Variants in TBCD observed in about 807,000 individuals in gnomAD.
TBCD encodes the protein tubulin folding cofactor D, also known as tubulin-specific chaperone D.
A neutral mutation model predicts 169.3 loss-of-function variants in TBCD; 105 were observed. The ratio of observed to expected loss-of-function variants is 0.62; its 90% CI spans 0.53 to 0.73. The LOEUF is 0.73. Ranked by LOEUF, TBCD falls within the 30% of genes least tolerant of loss-of-function variation. TBCD has a pLI of 0.00. For synonymous variants in TBCD, 700 were observed against 643.9 expected, an observed-to-expected ratio of 1.09 and a Z score of -1.32; for missense variants, 1,444 against 1,600.1, an observed-to-expected ratio of 0.90 and a Z score of 1.66.
chr17:82,936,076 G>A (rs913607914), intron 34 of TBCD, among the ~76,000 whole-genome samples: 3 of 152,164 alleles, frequency 2.0e-5, no homozygotes, highest in Non-Finnish European at 2.9e-5. Context: ...CCCTGGAAAC[G>A]GCCCGGGTTT....
chr17:82,857,554 C>A (rs1439074047), intron 13 of TBCD, among the ~76,000 whole-genome samples: 1 of 152,086 alleles, frequency 6.6e-6, no homozygotes, highest in Admixed American at 6.5e-5. Flanking sequence ...CACACATGCA[C>A]ATATACAGGT....
At position 82,898,096 on chromosome 17, in the gene TBCD, C is replaced by T. The variant is rs146948282; in HGVS notation, c.1650-2555C>T. 4.1e-3 allele frequency among the ~76,000 whole-genome samples: 607 copies of T among 146,332 alleles called. 5 individuals carry two copies. Among genetic ancestry groups the T allele is most frequent in the Non-Finnish European group, 5.9e-3 (397 of 67,334 alleles). Reference sequence around the variant, plus strand: ...ATGGCTCTGGGTTTTGGTGTGAGCACACGGCATGGCTCTGTTCTCCCCGGC... The same window carrying T: ...ATGGCTCTGGGTTTTGGTGTGAGCATACGGCATGGCTCTGTTCTCCCCGGC... On this transcript the variant is annotated intron_variant, in intron 17 of 38. Transcript: ENST00000355528.
At position 82,806,782 on chromosome 17, in the gene TBCD, G is replaced by A. The variant is rs565842135; in HGVS notation, c.1087+771G>A. ...TGACCATCAGGGCGCCTGTGGCACC[G>A]TTGCCAGCCCCGAGCCAGCATCCAC... On this transcript the variant is annotated intron_variant, in intron 10 of 38. Transcript: ENST00000355528. This position sits in a 1 kb window ranked among gnomAD's most constrained non-coding sequence, Gnocchi z 5.1. Among the ~76,000 whole-genome samples, 4 of 152,262 alleles carry A rather than the reference G, an allele frequency of 2.6e-5. No individual in the cohort carries two copies. The highest frequency in any genetic ancestry group is 1.9e-4 in the East Asian group (1 of 5,166).
At chr17:82,940,217 GCGCGCACACACA>G (rs1387917115) in intron 37 of TBCD, among the ~76,000 whole-genome samples, 1 of 101,382 alleles carries the variant, frequency 9.9e-6, no homozygotes, top group African/African-American at 3.4e-5. Flanking sequence ...TCACTTGCAC[GCGCGCACACACA>G]CACACACACA....
intron 7 of TBCD, among the ~76,000 whole-genome samples, chr17:82,793,698 G>T (rs970117472): frequency 1.3e-5 from 2 of 152,204 alleles, no homozygotes; most frequent in Admixed American, 6.5e-5. Flanking sequence ...GCCTGGAAAG[G>T]GTTGTTTTGG....
Position 82,884,530 on chromosome 17 carries a change from G to A in TBCD, c.1533+328G>A, listed in dbSNP as rs1250450667. Among the ~76,000 whole-genome samples the A allele has an allele frequency of 1.3e-5, 2 of 152,226 alleles. No individual in the cohort carries two copies. Among genetic ancestry groups the A allele is most frequent in the Non-Finnish European group, 2.9e-5 (2 of 68,046 alleles). On this transcript the variant is annotated intron_variant, in intron 15 of 38. Coordinates refer to ENST00000355528, the MANE Select transcript of TBCD (RefSeq NM_005993.5). This position sits in a 1 kb window ranked among gnomAD's most constrained non-coding sequence, Gnocchi z 4.2. ...ACGCTGAAGACGCAGAAGAGAGTGGGTTCTGCGAGGGTGGCCAGAATGTGG... is the reference window on the plus strand; with the variant it reads ...ACGCTGAAGACGCAGAAGAGAGTGGATTCTGCGAGGGTGGCCAGAATGTGG...
intron 8 of TBCD, among the ~76,000 whole-genome samples, chr17:82,799,024 C>CA: frequency 6.6e-6 from 1 of 152,342 alleles, no homozygotes; most frequent in South Asian, 2.1e-4. Context: ...TATGAGCCAC[C>CA]ACGCCTGGCT....
At chr17:82,813,297 C>G (rs917901708) in intron 12 of TBCD, among the ~76,000 whole-genome samples, 1 of 152,174 alleles carries the variant, frequency 6.6e-6, no homozygotes, top group Non-Finnish European at 1.5e-5. Flanking sequence ...CTTCCTCTCC[C>G]GCTCATCCGC....
chr17:82,928,535 T>C (rs1389009302), intron 30 of TBCD, among the ~76,000 whole-genome samples: 1 of 150,598 alleles, frequency 6.6e-6, no homozygotes, highest in Non-Finnish European at 1.5e-5. Flanking sequence ...TGCGGATCTC[T>C]GTCAGGGGCA....
rs544861809 is a variant in TBCD, at chr17:82,911,489, A to G, written c.2007-269A>G. ...TAAGAGCTGAGCGCTGCTTGGAATT[A>G]GTTCTGTGATGGGATACCAGTCAGG... On this transcript the variant is annotated intron_variant, in intron 22 of 38. Transcript: ENST00000355528. 2.0e-5 allele frequency among the ~76,000 whole-genome samples: 3 copies of G among 152,320 alleles called. No homozygotes were observed. In the South Asian group the frequency reaches 6.2e-4, roughly 32 times the overall value.
Position 82,759,483 on chromosome 17 carries a change from C to CA in TBCD, c.235+3281dup, listed in dbSNP as rs112403017. Among the ~76,000 whole-genome samples, 682 of 145,062 alleles carry CA rather than the reference C, an allele frequency of 4.7e-3. 2 individuals are homozygous for CA. Among genetic ancestry groups the CA allele is most frequent in the Middle Eastern group, 0.014 (4 of 282 alleles). ...CGTGGGCTACAGAGCCAGACTGTCT[C>CA]AAAAAAAAAAAAATTTTGTTTTTGC... On this transcript the variant is annotated intron_variant, in intron 2 of 38. Transcript: ENST00000355528.
chr17:82,822,767 G>C (rs972387376), intron 13 of TBCD, among the ~76,000 whole-genome samples: 9 of 152,342 alleles, frequency 5.9e-5, no homozygotes, highest in African/African-American at 2.2e-4. Flanking sequence ...CGACTTTGCT[G>C]TTCTATTCAG....
chr17:82,825,373 C>T (rs543976096), intron 13 of TBCD, among the ~76,000 whole-genome samples: 4 of 152,236 alleles, frequency 2.6e-5, no homozygotes, highest in South Asian at 2.1e-4. Flanking sequence ...TGTCTTGTCA[C>T]GGCTCCCTGC....
rs960546617 is a variant in TBCD, at chr17:82,903,745, G to A, written c.1804+267G>A. The stretch of plus-strand genomic sequence containing the variant: ...TCCCGCCGGATGCCTGACATGCAGT[G>A]CTGCTTCCCTGGTCTCTAGGTGGCT... On this transcript the variant is annotated intron_variant, in intron 19 of 38. Transcript: ENST00000355528. The surrounding 1 kb of genome is among the most constrained non-coding windows in gnomAD (Gnocchi z 4.8). Among the ~76,000 whole-genome samples the A allele has an allele frequency of 9.2e-5, 14 of 152,146 alleles. No homozygotes were observed. Among genetic ancestry groups the A allele is most frequent in the African/African-American group, 3.4e-4 (14 of 41,422 alleles).
chr17:82,932,288 AC>A, intron 33 of TBCD: 1 of 388,010 alleles, frequency 2.6e-6, no homozygotes. Flanking sequence ...AGGCACCTTG[AC>A]GCCCAGCGGT....
At chr17:82,784,058 G>T (rs533703458) in intron 7 of TBCD, among the ~76,000 whole-genome samples, 74 of 152,074 alleles carry the variant, frequency 4.9e-4, no homozygotes, top group Non-Finnish European at 7.4e-4. Flanking sequence ...CTGGGAGGCG[G>T]AGGTTGAGTG....
chr17:82,941,450 T>G lies in TBCD; in HGVS notation c.3531T>G (p.Leu1177=), dbSNP rs1477692824. Residue 1177 remains leucine (L), a synonymous_variant, in exon 38 of 39, where the codon CTT becomes CTG. Coordinates refer to ENST00000355528, the MANE Select transcript of TBCD (RefSeq NM_005993.5). The part of the protein sequence containing the change: ...VREQRNRLCD[L]LGVPRPQLVP... ...AGCAGCGCAACCGTCTGTGTGACCTTCTGGGCGTACCCAGGCCCCAGCTGG... is the reference window on the plus strand; with the variant it reads ...AGCAGCGCAACCGTCTGTGTGACCTGCTGGGCGTACCCAGGCCCCAGCTGG... 1.9e-6 allele frequency: 3 copies of G among 1,603,082 alleles called. No homozygotes were observed. Among genetic ancestry groups the G allele is most frequent in the Non-Finnish European group, 2.5e-6 (3 of 1,176,564 alleles).
At chr17:82,937,817 C>T in intron 35 of TBCD, 7 of 1,444,518 alleles carry the variant, frequency 4.8e-6, no homozygotes, top group Non-Finnish European at 6.5e-6. Context: ...TGCAGGAGAT[C>T]CTCTGTGAGG....
chr17:82,830,786 C>T lies in TBCD; in HGVS notation c.1318+15852C>T, dbSNP rs775795396. On this transcript the variant is annotated intron_variant, in intron 13 of 38. Transcript: ENST00000355528. ...TTGGAGAGGTTGAGGGGGCCCATCC[C>T]GGAGCTGTCGTCCGGACTGGAAGGC... The T allele has an allele frequency of 6.8e-6, 11 of 1,613,574 alleles. No homozygotes were observed. The highest frequency in any genetic ancestry group is 6.7e-5 in the Admixed American group (4 of 60,014).
Sources: gnomAD v4.1 joint callset for allele counts (sites outside exome capture counted in the v4.1 genomes callset) on GRCh38, gnomAD v4.1.1 for gene constraint, Gnocchi (gnomAD v3.1) non-coding constraint, MANE v1.5 for transcripts, NCBI Gene and HGNC (gene_info 2026-07-23, HGNC 2026-07-21) for gene names.